Variants in SYN2 observed in about 807,000 individuals in gnomAD.
SYN2 encodes the protein synapsin II.
SYN2 carries 19 observed loss-of-function variants against 50.9 expected under a neutral mutation model. That is an observed-to-expected ratio of 0.37 (90% confidence interval 0.26 to 0.55). The LOEUF is 0.55. SYN2 is among the 20% of genes least tolerant of loss of function. The pLI is 0.81. For synonymous variants in SYN2, 255 were observed against 224.9 expected (o/e 1.13, Z -1.20); for missense variants, 587 against 576.4 (o/e 1.02, Z -0.19).
intron 1 of SYN2, among the ~76,000 whole-genome samples, chr3:12,007,693 AAG>A (rs1693828053): frequency 6.6e-6 from 1 of 152,130 alleles, no homozygotes; most frequent in Non-Finnish European, 1.5e-5. Flanking sequence ...CTAAAATAAA[AAG>A]AGTCTGAACA....
In SYN2 at chr3:12,183,316, G is replaced by A; in HGVS notation, c.1313G>A (p.Gly438Glu). The A allele has an allele frequency of 6.2e-7, 1 of 1,609,762 alleles. No individual in the cohort carries two copies. The highest frequency in any genetic ancestry group is 8.5e-7 in the Non-Finnish European group (1 of 1,178,862). The change falls in exon 11 of 13, where the codon GGA (glycine) becomes GAA (glutamate). Residue 438 changes from glycine (G) to glutamate (E), a missense_variant. Gly to Glu is a moderately conservative substitution (Grantham distance 98). Transcript: ENST00000621198. ...TCTTACATTTTTGTCTTCCAGAGCGGAACACTTAAGGATCCGGACTCAAGC... is the reference window on the plus strand; with the variant it reads ...TCTTACATTTTTGTCTTCCAGAGCGAAACACTTAAGGATCCGGACTCAAGC... Reference protein sequence around the residue: ...RPLTTQQPQSGTLKDPDSSKT... With the variant: ...RPLTTQQPQSETLKDPDSSKT...
rs57099569 is a variant in SYN2 at position 12,050,711 on chromosome 3, C to CTTTTTTTTTT, written c.377+45809_377+45818dup. ...AATAATCTCATCTTTCTTCTCTTCTCTTTTTTTTTTTTTTTTTTTTTTTTT... is the reference window on the plus strand; with the variant it reads ...AATAATCTCATCTTTCTTCTCTTCTCTTTTTTTTTTTTTTTTTTTTTTTTTTTTTTTTTTT... On this transcript the variant is annotated intron_variant, in intron 1 of 12. Transcript: ENST00000621198. 9.7e-3 allele frequency among the ~76,000 whole-genome samples: 491 copies of CTTTTTTTTTT among 50,572 alleles called. 174 individuals carry two copies. Among genetic ancestry groups the CTTTTTTTTTT allele is most frequent in the Non-Finnish European group, 0.017 (364 of 21,572 alleles). 33.2% of individuals were successfully genotyped at this position (50,572 alleles called of 152,430 possible). A position where few individuals can be genotyped will look rare whatever the true frequency, so the allele number is the denominator to read the frequency against.
intron 1 of SYN2, among the ~76,000 whole-genome samples, chr3:12,032,428 G>C (rs1441231743): frequency 1.4e-5 from 1 of 69,162 alleles, no homozygotes; most frequent in African/African-American, 5.9e-5. Context: ...ACGTTGGCCT[G>C]CCTTGCTAGA....
At chr3:12,045,519 G>A (rs752267675) in intron 1 of SYN2, among the ~76,000 whole-genome samples, 24 of 152,162 alleles carry the variant, frequency 1.6e-4, no homozygotes, top group Non-Finnish European at 2.5e-4. Flanking sequence ...GGGGGATTCC[G>A]TTACTTAGAG....
At position 12,157,413 on chromosome 3, in the gene SYN2, A is replaced by AT. The variant is rs761239699; in HGVS notation, c.775-4127dup. 1.9e-6 allele frequency: 3 copies of AT among 1,614,012 alleles called. No homozygotes were observed. In the Admixed American group the frequency reaches 5.0e-5, roughly 27 times the overall value. ...TATCTGTTTGATTTCATACCGGAGC[A>AT]TTTTTTCAGTGTCAGCAGGGTCTGC... On this transcript the variant is annotated intron_variant, in intron 5 of 12. Coordinates refer to ENST00000621198, the MANE Select transcript of SYN2 (RefSeq NM_133625.6).
chr3:12,078,285 G>GT (rs929584925), intron 1 of SYN2, among the ~76,000 whole-genome samples: 2 of 152,092 alleles, frequency 1.3e-5, no homozygotes, highest in Non-Finnish European at 2.9e-5. Flanking sequence ...AGTGATTATA[G>GT]TTTTTTGCTG....
chr3:12,070,955 A>C (rs761106942), intron 1 of SYN2: 2 of 550,044 alleles, frequency 3.6e-6, no homozygotes, highest in Non-Finnish European at 3.6e-6. Flanking sequence ...GAGAAGAGCT[A>C]GGAGCTGCCT....
chr3:12,006,838 G>A (rs1574881349), intron 1 of SYN2, among the ~76,000 whole-genome samples: 1 of 152,212 alleles, frequency 6.6e-6, no homozygotes, highest in East Asian at 1.9e-4. Context: ...GGAGTGGTTA[G>A]TGAGAGCCAG....
intron 10 of SYN2, among the ~76,000 whole-genome samples, chr3:12,180,248 G>GT (rs11306104): frequency 8.3e-4 from 123 of 148,610 alleles, no homozygotes; most frequent in East Asian, 6.1e-3. Context: ...ACCCAGCTGG[G>GT]TTTTTTTTTT....
chr3:12,111,325 A>G (rs1361216480), intron 1 of SYN2, among the ~76,000 whole-genome samples: 2 of 152,306 alleles, frequency 1.3e-5, no homozygotes, highest in East Asian at 1.9e-4. Context: ...CTGTAAGTCC[A>G]TTAAGCCTTT....
chr3:12,137,683 A>G (rs889493669), intron 1 of SYN2, among the ~76,000 whole-genome samples: 4 of 152,236 alleles, frequency 2.6e-5, no homozygotes, highest in African/African-American at 9.6e-5. Context: ...TCACTAAGAT[A>G]TATTTTTAAG....
intron 4 of SYN2, among the ~76,000 whole-genome samples, chr3:12,147,971 G>A (rs902516453): frequency 3.9e-5 from 6 of 152,182 alleles, no homozygotes; most frequent in South Asian, 2.1e-4. Flanking sequence ...AAAATTAGCC[G>A]GGTGTGGTGG....
chr3:12,178,776 A>G (rs1167644675), intron 10 of SYN2, among the ~76,000 whole-genome samples: 1 of 152,138 alleles, frequency 6.6e-6, no homozygotes, highest in African/African-American at 2.4e-5. Flanking sequence ...TACAAAGCAC[A>G]CTCTTTAGTT....
chr3:12,133,401 G>A (rs1331685285), intron 1 of SYN2, among the ~76,000 whole-genome samples: 2 of 152,198 alleles, frequency 1.3e-5, no homozygotes, highest in East Asian at 3.8e-4. Flanking sequence ...CCCCTTCAAT[G>A]TAAAGCCTGA....
rs572751253 is a variant in SYN2, at chr3:12,017,864, C to T, written c.377+12936C>T. The stretch of plus-strand genomic sequence containing the variant: ...AGATGAATATTCCTTCATTTTGGTT[C>T]GAGCAATTTGTTGTACATGGTTTGG... On this transcript the variant is annotated intron_variant, in intron 1 of 12. Coordinates refer to ENST00000621198, the MANE Select transcript of SYN2 (RefSeq NM_133625.6). 1.2e-4 allele frequency among the ~76,000 whole-genome samples: 18 copies of T among 152,212 alleles called. No individual in the cohort carries two copies. The South Asian group carries it at 1.2e-3, about 11-fold the overall frequency.
At chr3:12,055,063 T>C (rs1458233607) in intron 1 of SYN2, among the ~76,000 whole-genome samples, 5 of 152,086 alleles carry the variant, frequency 3.3e-5, no homozygotes, top group South Asian at 2.1e-4. Flanking sequence ...TTTGGACATA[T>C]AGATTTTTAT....
chr3:12,133,870 T>C (rs763891106), intron 1 of SYN2, among the ~76,000 whole-genome samples: 6 of 152,244 alleles, frequency 3.9e-5, no homozygotes, highest in Admixed American at 1.3e-4. Context: ...ATGGCACTTA[T>C]ATTTTAAAAG....
At chr3:12,058,469 A>T (rs970096952) in intron 1 of SYN2, among the ~76,000 whole-genome samples, 1 of 152,198 alleles carries the variant, frequency 6.6e-6, no homozygotes, top group Non-Finnish European at 1.5e-5. Context: ...TCTTTTCCTG[A>T]CAAATGATTA....
chr3:12,013,439 C>T (rs548846452), intron 1 of SYN2, among the ~76,000 whole-genome samples: 9 of 152,236 alleles, frequency 5.9e-5, no homozygotes, highest in African/African-American at 1.7e-4. Context: ...GTGTCAGTTA[C>T]CTCTTAAGTA....
Sources: allele counts gnomAD v4.1 joint callset (sites outside exome capture counted in the v4.1 genomes callset), GRCh38; gene constraint gnomAD v4.1.1; transcripts MANE v1.5; gene names NCBI Gene and HGNC (gene_info 2026-07-23, HGNC 2026-07-21).